Variants in FBXW10 observed in about 807,000 individuals in gnomAD.
FBXW10 encodes the protein F-box and WD repeat domain containing 10.
In FBXW10, 68 loss-of-function variants were observed where a neutral mutation model predicts 113.1. The observed-to-expected ratio is 0.60, with a 90% CI of 0.49 to 0.74. FBXW10 has a LOEUF of 0.74. Among genes scored for constraint, FBXW10 ranks in the 30% least tolerant of loss-of-function variants. The pLI, the probability that FBXW10 is intolerant of heterozygous loss-of-function variation, is 0.00. For synonymous variants in FBXW10, 289 were observed against 481.6 expected (o/e 0.60, Z 5.24); for missense variants, 753 against 1,284.5 (o/e 0.59, Z 6.32).
chr17:18,759,488 T>C (rs538846675), intron 7 of FBXW10, among the ~76,000 whole-genome samples: 1 of 152,216 alleles, frequency 6.6e-6, no homozygotes, highest in Non-Finnish European at 1.5e-5. Context: ...GTTTTTGAGA[T>C]TCACCTATAT....
Position 18,759,562 on chromosome 17 carries a change from C to T in FBXW10, c.1433+1057C>T, listed in dbSNP as rs1597595219. Among the ~76,000 whole-genome samples, 4 of 152,002 alleles carry T rather than the reference C, an allele frequency of 2.6e-5. No individual in the cohort carries two copies. The South Asian group carries it at 6.2e-4, about 24-fold the overall frequency. ...ACTGTATTAAATTGGATGATTGTATCGTAACTCATTTATTTGTTTTTCTGT... is the reference window on the plus strand; with the variant it reads ...ACTGTATTAAATTGGATGATTGTATTGTAACTCATTTATTTGTTTTTCTGT... On this transcript the variant is annotated intron_variant, in intron 7 of 13. Coordinates refer to ENST00000395665, the MANE Select transcript of FBXW10 (RefSeq NM_001267585.2).
rs369750229 is a variant in FBXW10 at position 18,775,204 on chromosome 17, G to A, written c.2335+12G>A. 35 of 1,583,992 alleles carry A rather than the reference G, an allele frequency of 2.2e-5. No homozygotes were observed. In the African/African-American group the frequency reaches 4.0e-4, roughly 18 times the overall value. On this transcript the variant is annotated intron_variant, in intron 13 of 13. Coordinates refer to ENST00000395665, the MANE Select transcript of FBXW10 (RefSeq NM_001267585.2). ...ACCCCGAAGAGATGGTAAGAAGAGAGTTTATTCTGTTCATAAGGGAACAAG... is the reference window on the plus strand; with the variant it reads ...ACCCCGAAGAGATGGTAAGAAGAGAATTTATTCTGTTCATAAGGGAACAAG...
rs2035634759 is a variant in FBXW10, at chr17:18,772,526, A to G, written c.2121A>G (p.Lys707=). The G allele has an allele frequency of 6.2e-7, 1 of 1,614,002 alleles. No homozygotes were observed. Among genetic ancestry groups the G allele is most frequent in the Non-Finnish European group, 8.5e-7 (1 of 1,179,960 alleles). The change falls in exon 12 of 14, where the codon AAA becomes AAG. Residue 707 remains lysine, a synonymous_variant. Coordinates refer to ENST00000395665, the MANE Select transcript of FBXW10 (RefSeq NM_001267585.2). ...QKKNKEKEEE[K]EENSLMEILS... is the part of the protein sequence containing the mutation. ...AGAATAAGGAGAAAGAGGAGGAAAA[A>G]GAAGAAAATAGTCTCATGGAAATTC...
intron 1 of FBXW10, among the ~76,000 whole-genome samples, chr17:18,747,578 CA>C (rs1160744663): frequency 2.0e-5 from 3 of 151,382 alleles, no homozygotes; most frequent in South Asian, 2.1e-4. Context: ...ACAAACAAAC[CA>C]AAAAAAAGTT....
intron 7 of FBXW10, among the ~76,000 whole-genome samples, chr17:18,762,720 AGT>A (rs1567620956): frequency 6.6e-6 from 1 of 152,158 alleles, no homozygotes; most frequent in Non-Finnish European, 1.5e-5. Flanking sequence ...AGGCAGTAGC[AGT>A]GAGAGTGGGC....
chr17:18,769,038 C>G (rs2035558749), intron 10 of FBXW10, among the ~76,000 whole-genome samples: 1 of 150,276 alleles, frequency 6.7e-6, no homozygotes, highest in Non-Finnish European at 1.5e-5. Context: ...TGGGTTCACG[C>G]TATTCTCCTG....
At chr17:18,749,963 C>A (rs200711350) in intron 3 of FBXW10, 41 bp downstream of exon 3, 128,480 of 1,613,502 alleles carry the variant, frequency 0.08, 5,333 homozygotes, top group South Asian at 0.12. Flanking sequence ...GACACCTCCC[C>A]TCTTGGCCCA....
chr17:18,763,453 G>A (rs2035426118), intron 7 of FBXW10, among the ~76,000 whole-genome samples: 1 of 152,040 alleles, frequency 6.6e-6, no homozygotes, highest in African/African-American at 2.4e-5. Context: ...ACCGTGCCCG[G>A]CTGTTAAGTA....
chr17:18,758,061 G>A (rs1313706971), intron 6 of FBXW10, among the ~76,000 whole-genome samples: 3 of 152,152 alleles, frequency 2.0e-5, no homozygotes, highest in African/African-American at 7.2e-5. Context: ...TTACAGAATT[G>A]TTAAAAAATT....
chr17:18,759,674 G>A (rs1395896979), intron 7 of FBXW10, among the ~76,000 whole-genome samples: 2 of 151,448 alleles, frequency 1.3e-5, no homozygotes, highest in East Asian at 1.9e-4. Flanking sequence ...GAGCAGTGGC[G>A]CCATGTTGGC....
chr17:18,772,610 T>G lies in FBXW10; in HGVS notation c.2205T>G (p.Thr735=). The G allele has an allele frequency of 6.2e-7, 1 of 1,614,046 alleles. No homozygotes were observed. Among genetic ancestry groups the G allele is most frequent in the Non-Finnish European group, 8.5e-7 (1 of 1,179,930 alleles). Residue 735 remains threonine, a synonymous_variant, in exon 12 of 14, where the codon ACT becomes ACG. Transcript: ENST00000395665. ...SPRESVSSKQ[T]VIQELLPGKP... ...GAGAGTCTGTATCCAGTAAACAAAC[T>G]GTGATCCAAGAGCTCCTACCAGGCA... is the stretch of plus-strand genomic sequence containing the variant.
Position 18,772,673 on chromosome 17 carries a change from G to A in FBXW10, c.2268G>A (p.Lys756=). The A allele has an allele frequency of 6.2e-7, 1 of 1,608,930 alleles. No individual in the cohort carries two copies. The highest frequency in any genetic ancestry group is 8.5e-7 in the Non-Finnish European group (1 of 1,178,484). ...CCCGAGTACTCCTGAAGCCGGCCAA[G>A]TTCTCTTCAGGTAAAAAACTGAAAT... ...PKSRVLLKPA[K]FSSAVLIEEL... The change falls in exon 12 of 14, where the codon AAG becomes AAA. Residue 756 remains lysine (K), a synonymous_variant. Coordinates refer to ENST00000395665, the MANE Select transcript of FBXW10 (RefSeq NM_001267585.2).
Position 18,747,898 on chromosome 17 carries a change from A to G in FBXW10, c.506-43A>G, listed in dbSNP as rs150701378. The stretch of plus-strand genomic sequence containing the variant: ...CTCTCCACCTCATTTTCCTCAACAC[A>G]CCCGCTTCAAGAGCAACCTTGTCTT... On this transcript the variant is annotated intron_variant, in intron 1 of 13. Transcript: ENST00000395665. 9.4e-3 allele frequency: 15,126 copies of G among 1,613,566 alleles called. 151 individuals carry two copies. The highest frequency in any genetic ancestry group is 0.033 in the South Asian group (3,004 of 91,058).
At chr17:18,755,950 A>C in intron 5 of FBXW10, 95 bp from the exon 6 acceptor site, 1 of 1,208,382 alleles carries the variant, frequency 8.3e-7, no homozygotes, top group Non-Finnish European at 1.2e-6. Flanking sequence ...AGAATCCGTG[A>C]GCCCTGTGCC....
intron 13 of FBXW10, among the ~76,000 whole-genome samples, chr17:18,778,145 T>C (rs1045788346): frequency 2.6e-5 from 4 of 151,938 alleles, no homozygotes; most frequent in Admixed American, 1.3e-4. Context: ...CTCAGCTACT[T>C]GGGAGGCTGA....
At position 18,750,066 on chromosome 17, in the gene FBXW10, G is replaced by T. The variant is rs759696705; in HGVS notation, c.928G>T (p.Ala310Ser). ...CGCCTCTGTGAGCCAGCACTGGGCC[G>T]CCATGGCTCAACAGGTCAAGATGGA... ...KCASVSQHWA[A>S]MAQQVKMDLS... is the part of the protein sequence containing the mutation. Residue 310 changes from alanine (A) to serine (S), a missense_variant, in exon 4 of 14, where the codon GCC becomes TCC. Physicochemically the swap from Ala to Ser is moderately conservative, Grantham distance 99. Coordinates refer to ENST00000395665, the MANE Select transcript of FBXW10 (RefSeq NM_001267585.2). The T allele has an allele frequency of 3.7e-6, 6 of 1,613,162 alleles. No individual in the cohort carries two copies. In the African/African-American group the frequency reaches 4.0e-5, roughly 11 times the overall value.
chr17:18,746,568 G>T (rs941573210), intron 1 of FBXW10, among the ~76,000 whole-genome samples: 10 of 152,180 alleles, frequency 6.6e-5, no homozygotes, highest in Non-Finnish European at 1.5e-4. Flanking sequence ...GGTGTGTCAG[G>T]GGTATAGAAG....
At chr17:18,752,438 G>A (rs1424761251) in intron 5 of FBXW10, among the ~76,000 whole-genome samples, 1 of 152,152 alleles carries the variant, frequency 6.6e-6, no homozygotes, top group Non-Finnish European at 1.5e-5. Flanking sequence ...TTCTGGGCCA[G>A]GTGCAGCAGC....
At chr17:18,774,903 T>C (rs1451972838) in intron 12 of FBXW10, among the ~76,000 whole-genome samples, 1 of 152,210 alleles carries the variant, frequency 6.6e-6, no homozygotes, top group Non-Finnish European at 1.5e-5. Context: ...GATAAATGTT[T>C]AAGATGATGG....
Sources: gnomAD v4.1 joint callset for allele counts (sites outside exome capture counted in the v4.1 genomes callset) on GRCh38, gnomAD v4.1.1 for gene constraint, MANE v1.5 for transcripts, NCBI Gene and HGNC (gene_info 2026-07-23, HGNC 2026-07-21) for gene names.